DOCK2: variants seen among roughly 807,000 people sequenced by gnomAD.
DOCK2 encodes the protein dedicator of cytokinesis 2.
Under a neutral mutation model 248.9 loss-of-function variants are expected in DOCK2, and 87 were observed. That is an observed-to-expected ratio of 0.35 (90% CI 0.29 to 0.42). DOCK2 has a LOEUF of 0.42. Ranked by LOEUF, DOCK2 falls within the 10% of genes least tolerant of loss-of-function variation. The pLI, the probability that DOCK2 is intolerant of heterozygous loss-of-function variation, is 1.00. For synonymous variants in DOCK2, 805 were observed against 821.6 expected (o/e 0.98, Z 0.35); for missense variants, 1,747 against 2,300.2 (o/e 0.76, Z 4.92).
chr5:169,659,698 G>A (rs190994491), intron 2 of DOCK2, among the ~76,000 whole-genome samples: 1 of 152,298 alleles, frequency 6.6e-6, no homozygotes, highest in Admixed American at 6.5e-5. Flanking sequence ...GACATCAAAT[G>A]CTGACTTCAT....
chr5:169,766,057 A>G (rs762263393), intron 25 of DOCK2, among the ~76,000 whole-genome samples: 11 of 152,182 alleles, frequency 7.2e-5, no homozygotes, highest in Admixed American at 1.3e-4. Context: ...TCTAGCAGTT[A>G]CTACCTTTTT....
intron 49 of DOCK2, chr5:170,079,403 C>T (rs1757948412): frequency 2.4e-6 from 1 of 416,798 alleles, no homozygotes; most frequent in Admixed American, 3.5e-5. Flanking sequence ...GTATCCTTTC[C>T]ACCATCACAC....
intron 50 of DOCK2, 78 bp downstream of exon 50, chr5:170,080,361 G>A (rs905859749): frequency 6.3e-7 from 1 of 1,586,798 alleles, no homozygotes. Flanking sequence ...GGATGGATGG[G>A]AACTGTGTCT....
chr5:169,881,792 G>T (rs1561791690), intron 27 of DOCK2, among the ~76,000 whole-genome samples: 1 of 152,196 alleles, frequency 6.6e-6, no homozygotes, highest in East Asian at 1.9e-4. Context: ...CTCCTATACG[G>T]CAGTGCTGAT....
Position 169,698,391 on chromosome 5 carries a change from A to G in DOCK2, c.997A>G (p.Ile333Val), listed in dbSNP as rs771697756. The G allele has an allele frequency of 2.0e-5, 32 of 1,613,986 alleles. No homozygotes were observed. Among genetic ancestry groups the G allele is most frequent in the African/African-American group, 2.7e-5 (2 of 74,948 alleles). Residue 333 changes from isoleucine to valine, a missense_variant, in exon 11 of 52, where the codon ATC (isoleucine) becomes GTC (valine). Ile to Val is a conservative substitution (Grantham distance 29). Coordinates refer to ENST00000520908, the MANE Select transcript of DOCK2 (RefSeq NM_004946.3). ...CTTTCTAGTTATGGATATAACAGAC[A>G]TCATCAAGGGGAAAGCAGAGAGTGA... ...FGVAVMDITD[I>V]IKGKAESDEE...
At chr5:169,878,058 G>C (rs944666365) in intron 27 of DOCK2, among the ~76,000 whole-genome samples, 1 of 152,198 alleles carries the variant, frequency 6.6e-6, no homozygotes, top group Admixed American at 6.5e-5. Flanking sequence ...AAAGAAATGC[G>C]TGATCTCTGT....
intron 27 of DOCK2, among the ~76,000 whole-genome samples, chr5:169,968,226 C>G (rs970903716): frequency 2.0e-5 from 3 of 152,162 alleles, no homozygotes; most frequent in Non-Finnish European, 2.9e-5. Flanking sequence ...TAATATGGCT[C>G]AAGGCATTCA....
chr5:169,732,924 T>A (rs1248386785), intron 22 of DOCK2, among the ~76,000 whole-genome samples: 1 of 152,218 alleles, frequency 6.6e-6, no homozygotes, highest in Non-Finnish European at 1.5e-5. Context: ...CCTGTCTTAC[T>A]GTACGGGCTA....
At chr5:170,079,298 AG>A in intron 49 of DOCK2, 152 bp downstream of exon 49, 1 of 1,100,542 alleles carries the variant, frequency 9.1e-7, no homozygotes, top group Non-Finnish European at 1.3e-6. Context: ...AGGAGCTGAG[AG>A]GTGAAGTGCT....
intron 22 of DOCK2, among the ~76,000 whole-genome samples, chr5:169,741,176 A>G (rs1763284205): frequency 6.6e-6 from 1 of 152,138 alleles, no homozygotes; most frequent in South Asian, 2.1e-4. Flanking sequence ...GTGTCTTTGC[A>G]ATTTCTTATT....
chr5:169,974,359 T>C (rs373623868), intron 27 of DOCK2, among the ~76,000 whole-genome samples: 4 of 152,216 alleles, frequency 2.6e-5, no homozygotes, highest in African/African-American at 9.7e-5. Flanking sequence ...ATCTGACTAA[T>C]ACTAACTTCT....
In DOCK2 at chr5:169,978,395, G is replaced by T. The variant is rs202107504; in HGVS notation, c.2800-4673G>T. Among the ~76,000 whole-genome samples, 679 of 142,410 alleles carry T rather than the reference G, an allele frequency of 4.8e-3. 32 individuals carry two copies. Among genetic ancestry groups the T allele is most frequent in the African/African-American group, 0.015 (572 of 37,788 alleles). The allele number at this position is 142,410 out of a possible 152,430, so 93.4% of individuals were successfully genotyped here. On this transcript the variant is annotated intron_variant, in intron 27 of 51. Transcript: ENST00000520908. ...TGTGTATGTGTGTGTGTGTGTGTGG[G>T]GGGGGGGGGGTGTAGGTGTGTTTGC...
intron 46 of DOCK2, chr5:170,075,633 C>G: frequency 7.3e-6 from 2 of 274,716 alleles, no homozygotes; most frequent in South Asian, 5.5e-5. Context: ...GATCCCCACA[C>G]TCTGCCCCCA....
At chr5:169,822,325 G>A (rs186239112) in intron 26 of DOCK2, among the ~76,000 whole-genome samples, 15 of 152,290 alleles carry the variant, frequency 9.8e-5, no homozygotes, top group African/African-American at 3.4e-4. Flanking sequence ...ATTCTTTTCA[G>A]CACCACACCA....
chr5:170,022,212 G>T (rs1755753977), intron 33 of DOCK2, among the ~76,000 whole-genome samples: 1 of 152,198 alleles, frequency 6.6e-6, no homozygotes, highest in South Asian at 2.1e-4. Context: ...TTTTGGGAAA[G>T]GCTTTCCTGC....
chr5:170,045,776 G>T, intron 38 of DOCK2, 40 bp from the exon 39 acceptor site: 1 of 1,601,796 alleles, frequency 6.2e-7, no homozygotes, highest in Non-Finnish European at 8.6e-7. Context: ...TGCAAACCCG[G>T]TGGTGCCACC....
At chr5:169,823,968 A>G (rs1325841541) in intron 26 of DOCK2, among the ~76,000 whole-genome samples, 1 of 152,174 alleles carries the variant, frequency 6.6e-6, no homozygotes, top group African/African-American at 2.4e-5. Context: ...GCATTCTTAT[A>G]CTCCAATAAC....
At chr5:169,691,471 T>C (rs1760299009) in intron 9 of DOCK2, among the ~76,000 whole-genome samples, 1 of 152,204 alleles carries the variant, frequency 6.6e-6, no homozygotes. Context: ...GCACTGGCCA[T>C]ACAGCAGTGA....
At chr5:169,723,948 T>G (rs1409728789) in intron 22 of DOCK2, among the ~76,000 whole-genome samples, 1 of 152,346 alleles carries the variant, frequency 6.6e-6, no homozygotes, top group East Asian at 1.9e-4. Flanking sequence ...TCATTAAGTA[T>G]GAAATTGGAC....
Sources: gnomAD v4.1 joint callset for allele counts (sites outside exome capture counted in the v4.1 genomes callset) on GRCh38, gnomAD v4.1.1 for gene constraint, MANE v1.5 for transcripts, NCBI Gene and HGNC (gene_info 2026-07-23, HGNC 2026-07-21) for gene names.